Variants in ABCD4 observed in about 807,000 individuals in gnomAD.
The protein encoded by ABCD4 is lysosomal cobalamin transporter ABCD4.
A neutral mutation model predicts 86.3 loss-of-function variants in ABCD4; 53 were observed. The ratio of observed to expected loss-of-function variants is 0.61; its 90% CI spans 0.49 to 0.77. ABCD4 has a LOEUF of 0.77. Among genes scored for constraint, ABCD4 ranks in the 30% least tolerant of loss-of-function variants. The probability of loss-of-function intolerance (pLI) is 0.00; values close to 1 mark genes in which losing one functional copy is unlikely to be tolerated. For missense variants in ABCD4, 757 were observed against 764.5 expected, an observed-to-expected ratio of 0.99 and a Z score of 0.12; for synonymous variants, 328 against 313.6, an observed-to-expected ratio of 1.05 and a Z score of -0.49.
At position 74,287,800 on chromosome 14, in the gene ABCD4, G is replaced by A. The variant is rs74061801; in HGVS notation, c.1636+10C>T. On this transcript the variant is annotated intron_variant, in intron 17 of 18. Coordinates refer to ENST00000356924, the MANE Select transcript of ABCD4 (RefSeq NM_005050.4). Reference sequence around the variant, plus strand: ...CGCATGGCATGTGCAGCCACAAGGCGAGACCTCACCTGCGTACTTCGGCTG... The same window carrying A: ...CGCATGGCATGTGCAGCCACAAGGCAAGACCTCACCTGCGTACTTCGGCTG... The A allele has an allele frequency of 0.012, 19,585 of 1,608,210 alleles. 2,012 individuals carry two copies. The African/African-American group carries it at 0.23, about 19-fold the overall frequency.
At chr14:74,289,201 TTTGAAACCACAGG>T in intron 14 of ABCD4, 1 of 1,290,186 alleles carries the variant, frequency 7.8e-7, no homozygotes, top group South Asian at 2.3e-5. Flanking sequence ...GGGCGAAGGC[TTTGAAACCACAGG>T]TTGCAGATCT....
intron 6 of ABCD4, 136 bp from the exon 7 acceptor site, chr14:74,295,334 T>C: frequency 3.1e-6 from 3 of 958,368 alleles, no homozygotes; most frequent in Non-Finnish European, 1.6e-6. Flanking sequence ...GTCTGACCCT[T>C]TCCTGGACTG....
At chr14:74,297,678 G>T in intron 4 of ABCD4, 1 of 1,162,180 alleles carries the variant, frequency 8.6e-7, no homozygotes, top group Non-Finnish European at 1.1e-6. Flanking sequence ...TCCTGCCTCA[G>T]CCTCCTGAGT....
intron 15 of ABCD4, 43 bp from the exon 16 acceptor site, chr14:74,288,302 C>A: frequency 6.3e-7 from 1 of 1,575,388 alleles, no homozygotes. Context: ...AAATGGCCAG[C>A]CCTGCTACCT....
chr14:74,286,451 A>G lies in ABCD4; in HGVS notation c.*10T>C, dbSNP rs2139688273. 6.2e-7 allele frequency: 1 copy of G among 1,614,130 alleles called. No individual in the cohort carries two copies. The highest frequency in any genetic ancestry group is 2.2e-5 in the East Asian group (1 of 44,880). On this transcript the variant is annotated 3_prime_UTR_variant, in exon 19 of 19. Transcript: ENST00000356924. Reference sequence around the variant, plus strand: ...GCCACAGTGTGGCTCTCCTTCCAAAAGCCAGAGCTTCATTCCACTTTGATT... The same window carrying G: ...GCCACAGTGTGGCTCTCCTTCCAAAGGCCAGAGCTTCATTCCACTTTGATT...
chr14:74,301,265 C>G (rs1204371375), intron 1 of ABCD4, among the ~76,000 whole-genome samples: 2 of 151,698 alleles, frequency 1.3e-5, no homozygotes, highest in Non-Finnish European at 2.9e-5. Flanking sequence ...GTTCAAGCGA[C>G]TGTCCCACCT....
At chr14:74,297,851 TGCCACCA>T (rs1442534162) in intron 4 of ABCD4, 72 bp downstream of exon 4, 1 of 1,512,544 alleles carries the variant, frequency 6.6e-7, no homozygotes, top group African/African-American at 1.4e-5. Context: ...CCTTGGTGTC[TGCCACCA>T]GCAGTCTCCA....
intron 5 of ABCD4, 106 bp downstream of exon 5, chr14:74,296,227 G>T: frequency 8.0e-7 from 1 of 1,246,750 alleles, no homozygotes; most frequent in Non-Finnish European, 1.2e-6. Context: ...ACGTGGTAAG[G>T]TACGGTGGGA....
rs779405852 is a variant in ABCD4 at position 74,290,531 on chromosome 14, G to A, written c.1119-32C>T. 4 of 1,576,886 alleles carry A rather than the reference G, an allele frequency of 2.5e-6. No homozygotes were observed. The Admixed American group carries it at 6.7e-5, about 26-fold the overall frequency. On this transcript the variant is annotated intron_variant, in intron 11 of 18. Transcript: ENST00000356924. ...CAGAGAAGAGAGGGGGCGTGAGGAAGATGGGCAGGGTCAGTATTGCTGTGG... is the reference window on the plus strand; with the variant it reads ...CAGAGAAGAGAGGGGGCGTGAGGAAAATGGGCAGGGTCAGTATTGCTGTGG...
Position 74,292,826 on chromosome 14 carries a change from G to GT in ABCD4, c.857dup (p.Tyr286Ter). Residue 286 changes from tyrosine (Y) to a stop codon, truncating the protein, a stop_gained and frameshift_variant, in exon 9 of 19, where the codon TAC (tyrosine) becomes TAAC (stop). Coordinates refer to ENST00000356924, the MANE Select transcript of ABCD4 (RefSeq NM_005050.4). LOFTEE classifies it high-confidence loss of function. ...TGAAAATGGGGATTGCGATGACAAC[G>GT]TAACTCAGGATGCTGCCCAGATAGT... ...TFDYLGSILS[Y>*]VVIAIPIFSG... The GT allele has an allele frequency of 6.2e-7, 1 of 1,614,072 alleles. No individual in the cohort carries two copies. The highest frequency in any genetic ancestry group is 1.1e-5 in the South Asian group (1 of 91,084).
chr14:74,292,825 C>T lies in ABCD4; in HGVS notation c.859G>A (p.Val287Ile), dbSNP rs764251926. 24 of 1,614,158 alleles carry T rather than the reference C, an allele frequency of 1.5e-5. No homozygotes were observed. Among genetic ancestry groups the T allele is most frequent in the Admixed American group, 3.3e-5 (2 of 60,004 alleles). ...CTGAAAATGGGGATTGCGATGACAA[C>T]GTAACTCAGGATGCTGCCCAGATAG... Reference protein sequence around the residue: ...FDYLGSILSYVVIAIPIFSGV... With the variant: ...FDYLGSILSYIVIAIPIFSGV... The change falls in exon 9 of 19, where the codon GTT becomes ATT. Residue 287 changes from valine to isoleucine, a missense_variant. Physicochemically the swap from Val to Ile is conservative, Grantham distance 29. Transcript: ENST00000356924.
chr14:74,290,516 A>T lies in ABCD4; in HGVS notation c.1119-17T>A. 6.2e-7 allele frequency: 1 copy of T among 1,604,974 alleles called. No homozygotes were observed. Among genetic ancestry groups the T allele is most frequent in the Non-Finnish European group, 8.5e-7 (1 of 1,177,298 alleles). Reference sequence around the variant, plus strand: ...CCTGGGGGTCTGTGTCAGAGAAGAGAGGGGGCGTGAGGAAGATGGGCAGGG... The same window carrying T: ...CCTGGGGGTCTGTGTCAGAGAAGAGTGGGGGCGTGAGGAAGATGGGCAGGG... On this transcript the variant is annotated splice_polypyrimidine_tract_variant and intron_variant, in intron 11 of 18. Transcript: ENST00000356924.
In ABCD4 at chr14:74,302,924, C is replaced by G. The variant is rs907692863; in HGVS notation, c.-12G>C. ...CCCGCGACCGCCATGACCTGAGACC[C>G]GAGGGACTCTGGAGCCCAGCTGCCC... On this transcript the variant is annotated 5_prime_UTR_variant, in exon 1 of 19. Coordinates refer to ENST00000356924, the MANE Select transcript of ABCD4 (RefSeq NM_005050.4). 2 of 1,607,002 alleles carry G rather than the reference C, an allele frequency of 1.2e-6. No homozygotes were observed. The highest frequency in any genetic ancestry group is 1.7e-6 in the Non-Finnish European group (2 of 1,177,136).
rs543848299 is a variant in ABCD4 at position 74,302,778 on chromosome 14, C to T, written c.38+97G>A. 15 of 1,297,530 alleles carry T rather than the reference C, an allele frequency of 1.2e-5. No homozygotes were observed. The East Asian group carries it at 3.3e-4, about 29-fold the overall frequency. The allele number at this position is 1,297,530 out of a possible 1,614,324, so 80.4% of individuals were successfully genotyped here. On this transcript the variant is annotated intron_variant, in intron 1 of 18. Coordinates refer to ENST00000356924, the MANE Select transcript of ABCD4 (RefSeq NM_005050.4). ...AGAAGTCACGGGGGCGAGACGGGGG[C>T]GCCAGGGCGGCGGACGAGGCACGGA...
chr14:74,289,400 G>A, intron 14 of ABCD4, 83 bp downstream of exon 14: 1 of 1,577,978 alleles, frequency 6.3e-7, no homozygotes, highest in South Asian at 1.2e-5. Flanking sequence ...CTCTCCCCAA[G>A]GGCACAGATG....
At chr14:74,290,221 C>T (rs557832539) in intron 12 of ABCD4, 70 bp downstream of exon 12, 112 of 1,611,460 alleles carry the variant, frequency 7.0e-5, no homozygotes, top group Admixed American at 1.0e-4. Flanking sequence ...GATTCTACCA[C>T]ACCGTCCCCG....
At position 74,288,230 on chromosome 14, in the gene ABCD4, C is replaced by G. The variant is rs773113475; in HGVS notation, c.1536G>C (p.Leu512=). Residue 512 remains leucine (L), a synonymous_variant, in exon 16 of 19, where the codon CTG becomes CTC. Transcript: ENST00000356924. ...LSNLVARTEG[L]DQQVDWNWYD... Reference sequence around the variant, plus strand: ...ACCAGTTCCAGTCCACCTGCTGGTCCAGGCCCTCTGTCCTTGCCACCAAGT... The same window carrying G: ...ACCAGTTCCAGTCCACCTGCTGGTCGAGGCCCTCTGTCCTTGCCACCAAGT... The G allele has an allele frequency of 6.2e-7, 1 of 1,612,074 alleles. No homozygotes were observed. The highest frequency in any genetic ancestry group is 1.7e-5 in the Admixed American group (1 of 59,886).
intron 8 of ABCD4, 30 bp from the exon 9 acceptor site, chr14:74,292,899 G>A (rs2081921477): frequency 6.2e-7 from 1 of 1,613,816 alleles, no homozygotes; most frequent in African/African-American, 1.3e-5. Context: ...GAGACACCCA[G>A]GAACCATCCA....
At position 74,293,020 on chromosome 14, in the gene ABCD4, C is replaced by G. The variant is rs769277439; in HGVS notation, c.814+134G>C. 17 of 1,447,244 alleles carry G rather than the reference C, an allele frequency of 1.2e-5. No homozygotes were observed. In the Middle Eastern group the frequency reaches 5.6e-4, roughly 48 times the overall value. The allele number at this position is 1,447,244 out of a possible 1,614,324, so 89.7% of individuals were successfully genotyped here. A position where few individuals can be genotyped will look rare whatever the true frequency, so the allele number is the denominator to read the frequency against. On this transcript the variant is annotated intron_variant, in intron 8 of 18. Transcript: ENST00000356924. ...AGGATACTCACAGAAAGGCAACAGC[C>G]CCCCCTCCTCATCCCCGGTTAATTC...
Sources: allele counts gnomAD v4.1 joint callset (sites outside exome capture counted in the v4.1 genomes callset), GRCh38; gene constraint gnomAD v4.1.1; transcripts MANE v1.5; gene names NCBI Gene and HGNC (gene_info 2026-07-23, HGNC 2026-07-21).